Variants in KMT2D observed in about 807,000 individuals in gnomAD.
KMT2D encodes histone-lysine N-methyltransferase 2D.
Under a neutral mutation model 512.7 loss-of-function variants are expected in KMT2D, and 55 were observed. The observed-to-expected ratio is 0.11, with a 90% confidence interval of 0.09 to 0.13. KMT2D has a LOEUF of 0.13. KMT2D is among the 10% of genes least tolerant of loss of function. The probability of loss-of-function intolerance (pLI) is 1.00; values close to 1 mark genes in which losing one functional copy is unlikely to be tolerated. For missense variants in KMT2D, 6,061 were observed against 7,127.9 expected (o/e 0.85, Z 5.39); for synonymous variants, 2,995 against 2,904.0 (o/e 1.03, Z -1.01).
intron 6 of KMT2D, 145 bp from the exon 7 acceptor site, chr12:49,053,786 G>C (rs1938233437): frequency 8.8e-7 from 1 of 1,136,448 alleles, no homozygotes; most frequent in South Asian, 1.6e-5. Context: ...GCCAGCTACT[G>C]TTCTAGGCAC....
At chr12:49,045,857 A>C in intron 19 of KMT2D, 63 bp downstream of exon 19, 3 of 1,320,454 alleles carry the variant, frequency 2.3e-6, no homozygotes, top group Non-Finnish European at 3.3e-6. Context: ...AGGGGGTTGG[A>C]GCTAGACTAG....
At position 49,051,310 on chromosome 12, in the gene KMT2D, C is replaced by T. The variant is rs398123737; in HGVS notation, c.2373G>A (p.Gln791=). 1.2e-4 allele frequency: 187 copies of T among 1,582,788 alleles called. No individual in the cohort carries two copies. Among genetic ancestry groups the T allele is most frequent in the Non-Finnish European group, 1.6e-4 (184 of 1,161,880 alleles). The change falls in exon 11 of 55, where the codon CAG becomes CAA. Residue 791 remains glutamine (Q), a synonymous_variant. Transcript: ENST00000301067. ...GAGGGGACAGATGTGGTCCCTCAGC[C>T]TGGGGGGACAAGTGTGGCTCCTCAG... ...AVPEEPHLSP[Q]AEGPHLSPQP... is the part of the protein sequence containing the mutation.
intron 44 of KMT2D, 45 bp from the exon 45 acceptor site, chr12:49,029,281 C>A (rs969129574): frequency 6.2e-7 from 1 of 1,600,534 alleles, no homozygotes; most frequent in Non-Finnish European, 8.6e-7. Context: ...CCTGCAGACT[C>A]CCCTCCCAAA....
At position 49,037,986 on chromosome 12, in the gene KMT2D, C is replaced by T. The variant is rs778308911; in HGVS notation, c.9370G>A (p.Glu3124Lys). 4 of 1,602,634 alleles carry T rather than the reference C, an allele frequency of 2.5e-6. No homozygotes were observed. Among genetic ancestry groups the T allele is most frequent in the Non-Finnish European group, 2.6e-6 (3 of 1,174,976 alleles). The change falls in exon 35 of 55, where the codon GAG becomes AAG. Residue 3124 changes from glutamate to lysine, a missense_variant. Physicochemically the swap from Glu to Lys is moderately conservative, Grantham distance 56. Transcript: ENST00000301067. Reference sequence around the variant, plus strand: ...CAAGGAGAAGGGTGGCGTCCACCCTCCTCCACCTTGGGCTTCACCTCAGGG... The same window carrying T: ...CAAGGAGAAGGGTGGCGTCCACCCTTCTCCACCTTGGGCTTCACCTCAGGG... ...VLPEVKPKVE[E>K]GGRHPSPCQF...
chr12:49,042,270 T>C lies in KMT2D; in HGVS notation c.5928A>G (p.Ser1976=). ...PGEPDSPWTG[S]GGTTPSTPTT... ...TGGGGGTGGAGGGCGTGGTGCCACC[T>C]GAGCCCGTCCAGGGGCTGTCGGGCT... The change falls in exon 29 of 55, where the codon TCA becomes TCG. Residue 1976 remains serine (S), a synonymous_variant. Coordinates refer to ENST00000301067, the MANE Select transcript of KMT2D (RefSeq NM_003482.4). The surrounding 1 kb of genome is among the most constrained non-coding windows in gnomAD (Gnocchi z 4.4). 6.3e-7 allele frequency: 1 copy of C among 1,575,654 alleles called. No individual in the cohort carries two copies.
rs903867096 is a variant in KMT2D at position 49,050,399 on chromosome 12, C to A, written c.3189G>T (p.Gly1063=). 6.2e-7 allele frequency: 1 copy of A among 1,613,630 alleles called. No individual in the cohort carries two copies. Among genetic ancestry groups the A allele is most frequent in the African/African-American group, 1.3e-5 (1 of 75,036 alleles). Residue 1063 remains glycine, a synonymous_variant, in exon 12 of 55, where the codon GGG becomes GGT. Coordinates refer to ENST00000301067, the MANE Select transcript of KMT2D (RefSeq NM_003482.4). ...SPLSPIGKVV[G]VSDEAELHEM... ...CGTGCAGCTCAGCCTCATCTGAGAC[C>A]CCCACTACCTTCCCTATGGGACTCA...
In KMT2D at chr12:49,031,876, G is replaced by A. The variant is rs776755431; in HGVS notation, c.12829C>T (p.Leu4277=). ...CCCTGAGGTCGAGGCCCTGCCCCTA[G>A]CTCCTGGAGGGGGCCTGTCTGTGGT... ...PGPQTGPLQE[L]GAGPRPQGPP... The change falls in exon 40 of 55, where the codon CTA becomes TTA. Residue 4277 remains leucine, a synonymous_variant. Transcript: ENST00000301067. The A allele has an allele frequency of 6.5e-7, 1 of 1,533,538 alleles. No homozygotes were observed. Among genetic ancestry groups the A allele is most frequent in the Non-Finnish European group, 8.8e-7 (1 of 1,142,268 alleles). The allele number at this position is 1,533,538 out of a possible 1,614,324, so 95.0% of individuals were successfully genotyped here.
At chr12:49,055,586 T>C (rs1938361280) in intron 1 of KMT2D, among the ~76,000 whole-genome samples, 1 of 152,170 alleles carries the variant, frequency 6.6e-6, no homozygotes. Flanking sequence ...TCTCAGGGGA[T>C]CCATTTGACT....
chr12:49,041,687 G>T lies in KMT2D; in HGVS notation c.6202C>A (p.Arg2068=). ...ACCTTGTTGATGCGGTGAGCTGCCC[G>T]GTTATCTTTGGCCTTTTGCTGAGGG... is the stretch of plus-strand genomic sequence containing the variant. ...APYLQKAKDN[R]AAHRINKVQK... is the part of the protein sequence containing the mutation. Residue 2068 remains arginine (R), a synonymous_variant, in exon 31 of 55, where the codon CGG becomes AGG. Coordinates refer to ENST00000301067, the MANE Select transcript of KMT2D (RefSeq NM_003482.4). This position sits in a 1 kb window ranked among gnomAD's most constrained non-coding sequence, Gnocchi z 5.4. 1 of 1,611,926 alleles carries T rather than the reference G, an allele frequency of 6.2e-7. No individual in the cohort carries two copies. Among genetic ancestry groups the T allele is most frequent in the Non-Finnish European group, 8.5e-7 (1 of 1,178,878 alleles).
In KMT2D at chr12:49,031,406, C is replaced by T; in HGVS notation, c.13299G>A (p.Arg4433=). The T allele has an allele frequency of 6.2e-7, 1 of 1,613,758 alleles. No individual in the cohort carries two copies. Among genetic ancestry groups the T allele is most frequent in the East Asian group, 2.2e-5 (1 of 44,872 alleles). ...PCALGAQSVK[R]EANGEPIGAP... is the part of the protein sequence containing the mutation. ...CCCCTATTGGCTCCCCATTGGCCTC[C>T]CTCTTCACTGACTGGGCTCCCAGGG... Residue 4433 remains arginine, a synonymous_variant, in exon 40 of 55, where the codon AGG becomes AGA. Coordinates refer to ENST00000301067, the MANE Select transcript of KMT2D (RefSeq NM_003482.4).
Position 49,040,228 on chromosome 12 carries a change from C to T in KMT2D, c.7542G>A (p.Gln2514=), listed in dbSNP as rs750611525. Residue 2514 remains glutamine, a synonymous_variant, in exon 32 of 55, where the codon CAG becomes CAA. Coordinates refer to ENST00000301067, the MANE Select transcript of KMT2D (RefSeq NM_003482.4). ...GELHAKVPSG[Q]PPNFVRSPGT... ...CAGGGGACCGGACAAAATTGGGGGG[C>T]TGCCCACTTGGGACCTTGGCATGGA... The T allele has an allele frequency of 3.1e-6, 5 of 1,612,998 alleles. No individual in the cohort carries two copies. The South Asian group carries it at 4.4e-5, about 14-fold the overall frequency.
In KMT2D at chr12:49,037,634, AC is replaced by A; in HGVS notation, c.9721del (p.Val3241Ter). On this transcript the variant is annotated frameshift_variant, in exon 35 of 55. Transcript: ENST00000301067. LOFTEE classifies it high-confidence loss of function. ...AATGAGCAGGGGTAACTCGCTGGCTACCAGTGAGCTCTCCATCTTGTCTAGC... is the reference window on the plus strand; with the variant it reads ...AATGAGCAGGGGTAACTCGCTGGCTACAGTGAGCTCTCCATCTTGTCTAGC... ...DELDKMESSL[V>X]ASELPLLIED... The A allele has an allele frequency of 6.4e-7, 1 of 1,568,694 alleles. No homozygotes were observed. Among genetic ancestry groups the A allele is most frequent in the Non-Finnish European group, 8.6e-7 (1 of 1,156,564 alleles).
At position 49,042,664 on chromosome 12, in the gene KMT2D, C is replaced by T; in HGVS notation, c.5783-19G>A. The T allele has an allele frequency of 6.2e-7, 1 of 1,611,152 alleles. No individual in the cohort carries two copies. Among genetic ancestry groups the T allele is most frequent in the South Asian group, 1.1e-5 (1 of 90,930 alleles). On this transcript the variant is annotated intron_variant, in intron 27 of 54. Transcript: ENST00000301067. This position sits in a 1 kb window ranked among gnomAD's most constrained non-coding sequence, Gnocchi z 4.4. ...AGTCCACCTACAAGACGGACAGGAT[C>T]AGAGAAAAGAGCAACTGGCCCATCC...
rs1368139407 is a variant in KMT2D, at chr12:49,026,190, G to C, written c.15776C>G (p.Ser5259Cys). 6.3e-7 allele frequency: 1 copy of C among 1,579,172 alleles called. No homozygotes were observed. The highest frequency in any genetic ancestry group is 8.6e-7 in the Non-Finnish European group (1 of 1,157,870). Residue 5259 changes from serine to cysteine, a missense_variant, in exon 49 of 55, where the codon TCT (serine) becomes TGT (cysteine). Around this residue, in one of 16 missense-constraint regions of KMT2D, gnomAD observed 261 missense variants for 440.7 expected, o/e 0.59. Coordinates refer to ENST00000301067, the MANE Select transcript of KMT2D (RefSeq NM_003482.4). The surrounding 1 kb of genome is among the most constrained non-coding windows in gnomAD (Gnocchi z 9.6). Reference protein sequence around the residue: ...GLEDLVFTDASPQAVWNRIIE... With the variant: ...GLEDLVFTDACPQAVWNRIIE... ...AAGGGCCCACTGCTCACCCTGGGGA[G>C]AGGCGTCAGTGAAGACCAGGTCCTC...
chr12:49,022,015 GTCAC>G lies in KMT2D; in HGVS notation c.16521+24_16521+27del, dbSNP rs1391403387. ...GGGTGAAAGGAGGAGGAGCTGCTTT[GTCAC>G]TCAGTCAGGATACTTCCTCTCACCT... On this transcript the variant is annotated intron_variant, in intron 54 of 54. Coordinates refer to ENST00000301067, the MANE Select transcript of KMT2D (RefSeq NM_003482.4). This position sits in a 1 kb window ranked among gnomAD's most constrained non-coding sequence, Gnocchi z 8.6. 5 of 1,595,550 alleles carry G rather than the reference GTCAC, an allele frequency of 3.1e-6. No individual in the cohort carries two copies. Among genetic ancestry groups the G allele is most frequent in the Non-Finnish European group, 3.4e-6 (4 of 1,163,276 alleles).
chr12:49,032,070 C>A lies in KMT2D; in HGVS notation c.12635G>T (p.Arg4212Leu), dbSNP rs772665565. 5 of 1,613,348 alleles carry A rather than the reference C, an allele frequency of 3.1e-6. No individual in the cohort carries two copies. The African/African-American group carries it at 6.7e-5, about 22-fold the overall frequency. Residue 4212 changes from arginine (R) to leucine (L), a missense_variant, in exon 40 of 55, where the codon CGG becomes CTG. Arg to Leu is a moderately radical substitution (Grantham distance 102). Transcript: ENST00000301067. ...CTGCTGCTGCTGAGGACTTAAGTGC[C>A]GCAGCTGTGGGTTTTTGGCCAGGAC... ...QGVLAKNPQL[R>L]HLSPQQQQQL...
rs754805620 is a variant in KMT2D, at chr12:49,032,020, G to C, written c.12685C>G (p.Arg4229Gly). The part of the protein sequence containing the change: ...QQQLQALLMQ[R>G]QLQQSQAVRQ... ...ACTGCCTGACTCTGCTGCAGCTGCC[G>C]CTGCATGAGGAGTGCCTGTAGCTGC... is the stretch of plus-strand genomic sequence containing the variant. The change falls in exon 40 of 55, where the codon CGG becomes GGG. Residue 4229 changes from arginine (R) to glycine (G), a missense_variant. Coordinates refer to ENST00000301067, the MANE Select transcript of KMT2D (RefSeq NM_003482.4). The C allele has an allele frequency of 6.2e-7, 1 of 1,609,324 alleles. No homozygotes were observed. Among genetic ancestry groups the C allele is most frequent in the Non-Finnish European group, 8.5e-7 (1 of 1,176,884 alleles).
In KMT2D at chr12:49,026,184, T is replaced by C. The variant is rs376356987; in HGVS notation, c.15782A>G (p.Gln5261Arg). 6.3e-7 allele frequency: 1 copy of C among 1,575,074 alleles called. No homozygotes were observed. Among genetic ancestry groups the C allele is most frequent in the Non-Finnish European group, 8.6e-7 (1 of 1,156,210 alleles). ...EDLVFTDASPQAVWNRIIEPV... is the reference protein window; with the variant it reads ...EDLVFTDASPRAVWNRIIEPV... ...CATTTCAAGGGCCCACTGCTCACCC[T>C]GGGGAGAGGCGTCAGTGAAGACCAG... is the stretch of plus-strand genomic sequence containing the variant. Residue 5261 changes from glutamine (Q) to arginine (R), a missense_variant and splice_region_variant, in exon 49 of 55, where the codon CAG (glutamine) becomes CGG (arginine). Gln to Arg is a conservative substitution (Grantham distance 43). Transcript: ENST00000301067. This position sits in a 1 kb window ranked among gnomAD's most constrained non-coding sequence, Gnocchi z 9.6.
Position 49,046,719 on chromosome 12 carries a change from G to C in KMT2D, c.4308C>G (p.Ala1436=), listed in dbSNP as rs778549346. The change falls in exon 16 of 55, where the codon GCC becomes GCG. Residue 1436 remains alanine (A), a synonymous_variant. Transcript: ENST00000301067. The surrounding 1 kb of genome is among the most constrained non-coding windows in gnomAD (Gnocchi z 4.2). ...AGAGCAGCAGGCGTGAGGGGTCGGAGGCCTGGCCACACACCTCACACACAA... is the reference window on the plus strand; with the variant it reads ...AGAGCAGCAGGCGTGAGGGGTCGGACGCCTGGCCACACACCTCACACACAA... ...ECIVCEVCGQ[A]SDPSRLLLCD... 1.2e-6 allele frequency: 2 copies of C among 1,613,918 alleles called. No individual in the cohort carries two copies. Among genetic ancestry groups the C allele is most frequent in the Admixed American group, 3.3e-5 (2 of 60,010 alleles).
Sources: gnomAD v4.1 joint callset for allele counts (sites outside exome capture counted in the v4.1 genomes callset) on GRCh38, gnomAD v4.1.1 for gene constraint, gnomAD v4.1.1 regional missense constraint, Gnocchi (gnomAD v3.1) non-coding constraint, MANE v1.5 for transcripts, NCBI Gene and HGNC (gene_info 2026-07-23, HGNC 2026-07-21) for gene names.